BBS9: variants seen among roughly 807,000 people sequenced by gnomAD.
The protein encoded by BBS9 is Bardet-Biedl syndrome 9, also known as protein PTHB1.
A neutral mutation model predicts 117.7 loss-of-function variants in BBS9; 89 were observed. The ratio of observed to expected loss-of-function variants is 0.76; its 90% CI spans 0.64 to 0.90. BBS9 has a LOEUF of 0.90. BBS9 is among the 40% of genes least tolerant of loss of function. The pLI, the probability that BBS9 is intolerant of heterozygous loss-of-function variation, is 0.00. For synonymous variants in BBS9, 379 were observed against 370.9 expected (o/e 1.02, Z -0.25); for missense variants, 982 against 1,042.2 (o/e 0.94, Z 0.80).
intron 19 of BBS9, among the ~76,000 whole-genome samples, chr7:33,471,988 G>T (rs1051801831): frequency 6.6e-6 from 1 of 151,494 alleles, no homozygotes. Context: ...ACTAGGGATT[G>T]TTCTCCTAGT....
chr7:33,363,659 T>A (rs1309669854), intron 16 of BBS9, among the ~76,000 whole-genome samples: 1 of 152,096 alleles, frequency 6.6e-6, no homozygotes, highest in East Asian at 1.9e-4. Flanking sequence ...CCATTAAGTA[T>A]GTTTTAGCTA....
At chr7:33,333,260 G>T (rs1351282796) in intron 9 of BBS9, among the ~76,000 whole-genome samples, 1 of 152,010 alleles carries the variant, frequency 6.6e-6, no homozygotes, top group Non-Finnish European at 1.5e-5. Flanking sequence ...TCATTCTTAT[G>T]CTTTTGCATC....
At chr7:33,597,864 A>G (rs1328624494) in intron 21 of BBS9, among the ~76,000 whole-genome samples, 3 of 146,302 alleles carry the variant, frequency 2.1e-5, no homozygotes, top group Non-Finnish European at 4.5e-5. Flanking sequence ...CAGAAAGTGC[A>G]TGTATACCAA....
chr7:33,242,395 A>G (rs573696453), intron 5 of BBS9, among the ~76,000 whole-genome samples: 1 of 152,208 alleles, frequency 6.6e-6, no homozygotes, highest in African/African-American at 2.4e-5. Context: ...GTGGTCCACA[A>G]GTTTTTTCTC....
At chr7:33,485,378 C>T (rs1244655309) in intron 19 of BBS9, among the ~76,000 whole-genome samples, 2 of 146,512 alleles carry the variant, frequency 1.4e-5, no homozygotes, top group Non-Finnish European at 3.0e-5. Context: ...GGCGCGATCT[C>T]GGCTCATTGC....
At chr7:33,247,002 G>A (rs142247827) in intron 5 of BBS9, among the ~76,000 whole-genome samples, 1 of 152,172 alleles carries the variant, frequency 6.6e-6, no homozygotes, top group African/African-American at 2.4e-5. Context: ...TAAGTTCCGA[G>A]AGACTTCTCA....
intron 17 of BBS9, chr7:33,380,704 C>A (rs200131276): frequency 6.6e-6 from 1 of 152,154 alleles, no homozygotes; most frequent in Non-Finnish European, 1.5e-5. Flanking sequence ...TGTGACTTTG[C>A]GAGCCACTAC....
intron 19 of BBS9, among the ~76,000 whole-genome samples, chr7:33,423,511 G>C (rs1833181581): frequency 6.6e-6 from 1 of 151,758 alleles, no homozygotes; most frequent in African/African-American, 2.4e-5. Flanking sequence ...AGGATTAAGA[G>C]GGCCTTTCAT....
chr7:33,368,616 A>ACACC (rs996468631), intron 17 of BBS9, among the ~76,000 whole-genome samples: 15 of 145,696 alleles, frequency 1.0e-4, no homozygotes, highest in East Asian at 7.9e-4. Context: ...ACACACACAC[A>ACACC]CCCATACCCC....
intron 21 of BBS9, among the ~76,000 whole-genome samples, chr7:33,576,689 A>T (rs1008514107): frequency 1.3e-5 from 2 of 152,116 alleles, no homozygotes; most frequent in African/African-American, 4.8e-5. Context: ...AAACAGCATG[A>T]TACTGGTACC....
chr7:33,250,187 G>GT (rs1205132454), intron 5 of BBS9, among the ~76,000 whole-genome samples: 1 of 152,142 alleles, frequency 6.6e-6, no homozygotes, highest in Non-Finnish European at 1.5e-5. Context: ...TAGACAAATT[G>GT]TTTAAGTTCT....
intron 18 of BBS9, among the ~76,000 whole-genome samples, chr7:33,385,760 A>G (rs1825889811): frequency 6.6e-6 from 1 of 152,084 alleles, no homozygotes; most frequent in Non-Finnish European, 1.5e-5. Context: ...TATTTTTATT[A>G]CAGGAAATAA....
intron 5 of BBS9, among the ~76,000 whole-genome samples, chr7:33,223,126 T>G (rs1285715827): frequency 6.6e-6 from 1 of 151,892 alleles, no homozygotes; most frequent in Non-Finnish European, 1.5e-5. Context: ...ATACATTTAT[T>G]TTATATTTTT....
At chr7:33,188,098 G>C (rs143494710) in intron 5 of BBS9, among the ~76,000 whole-genome samples, 2 of 68,132 alleles carry the variant, frequency 2.9e-5, no homozygotes, top group Non-Finnish European at 7.1e-5. Context: ...GTGTGTGTGT[G>C]TGTGTGTGTG....
chr7:33,367,929 C>T (rs1015497189), intron 17 of BBS9, 67 bp downstream of exon 17: 1 of 1,228,024 alleles, frequency 8.1e-7, no homozygotes, highest in Admixed American at 1.7e-5. Flanking sequence ...ACAGAGGATA[C>T]TCACATCAAT....
intron 20 of BBS9, among the ~76,000 whole-genome samples, chr7:33,527,034 G>C (rs940360247): frequency 2.6e-5 from 4 of 151,578 alleles, no homozygotes; most frequent in Admixed American, 6.6e-5. Flanking sequence ...GCCCCTGTTG[G>C]GGGGTGCCTC....
chr7:33,239,716 T>G (rs942373893), intron 5 of BBS9, among the ~76,000 whole-genome samples: 10 of 152,320 alleles, frequency 6.6e-5, no homozygotes, highest in Admixed American at 2.6e-4. Context: ...CTTAAATTTA[T>G]TTTTAGATAT....
intron 21 of BBS9, among the ~76,000 whole-genome samples, chr7:33,547,370 G>A (rs1853569916): frequency 6.6e-6 from 1 of 152,146 alleles, no homozygotes; most frequent in Non-Finnish European, 1.5e-5. Flanking sequence ...TGAAGTTCAG[G>A]TGGTATAGCA....
At chr7:33,413,223 CCTA>C (rs1363329652) in intron 19 of BBS9, among the ~76,000 whole-genome samples, 12 of 152,168 alleles carry the variant, frequency 7.9e-5, no homozygotes, top group African/African-American at 2.9e-4. Context: ...CAGTCTCACT[CCTA>C]CTGTCAGCTG....
Sources: gnomAD v4.1 joint callset for allele counts (sites outside exome capture counted in the v4.1 genomes callset) on GRCh38, gnomAD v4.1.1 for gene constraint, MANE v1.5 for transcripts, NCBI Gene and HGNC (gene_info 2026-07-23, HGNC 2026-07-21) for gene names.